PCDHGA3: variants seen among roughly 807,000 people sequenced by gnomAD.
The protein encoded by PCDHGA3 is protocadherin gamma subfamily A, 3, also known as protocadherin gamma-A3.
Under a neutral mutation model 58.5 loss-of-function variants are expected in PCDHGA3, and 40 were observed. The ratio of observed to expected loss-of-function variants is 0.68; its 90% CI spans 0.53 to 0.89. The LOEUF is 0.89. Ranked by LOEUF, PCDHGA3 falls within the 40% of genes least tolerant of loss-of-function variation. The probability of loss-of-function intolerance (pLI) is 0.00; values close to 1 mark genes in which losing one functional copy is unlikely to be tolerated. For missense variants in PCDHGA3, 1,223 were observed against 1,195.9 expected (o/e 1.02, Z -0.33); for synonymous variants, 530 against 525.7 (o/e 1.01, Z -0.11).
At position 141,486,392 on chromosome 5, in the gene PCDHGA3, C is replaced by T; in HGVS notation, c.2425-8415C>T. ...GTCTGCCTTCAGGAACCAGTTCTCC[C>T]TGGTGACTGCTGGACCCTTGGATCG... On this transcript the variant is annotated intron_variant, in intron 1 of 3. Coordinates refer to ENST00000253812, the MANE Select transcript of PCDHGA3 (RefSeq NM_018916.4). The surrounding 1 kb of genome is among the most constrained non-coding windows in gnomAD (Gnocchi z 5.0). 1 of 1,614,170 alleles carries T rather than the reference C, an allele frequency of 6.2e-7. No individual in the cohort carries two copies. Among genetic ancestry groups the T allele is most frequent in the Non-Finnish European group, 8.5e-7 (1 of 1,180,014 alleles).
In PCDHGA3 at chr5:141,476,575, C is replaced by A; in HGVS notation, c.2425-18232C>A. 6 of 1,614,232 alleles carry A rather than the reference C, an allele frequency of 3.7e-6. No homozygotes were observed. The highest frequency in any genetic ancestry group is 5.1e-6 in the Non-Finnish European group (6 of 1,180,042). The stretch of plus-strand genomic sequence containing the variant: ...GCGAGGCCGTGGCTCCGGGGACGCG[C>A]TTTCCGCTCGAGAGCGCGCACGATC... On this transcript the variant is annotated intron_variant, in intron 1 of 3. Transcript: ENST00000253812. This position sits in a 1 kb window ranked among gnomAD's most constrained non-coding sequence, Gnocchi z 7.6.
At chr5:141,364,768 G>A (rs1442604724) in intron 1 of PCDHGA3, 3 of 1,613,956 alleles carry the variant, frequency 1.9e-6, no homozygotes, top group Non-Finnish European at 8.5e-7. Flanking sequence ...ATGAAAATGC[G>A]GCTGCAGGGA....
At chr5:141,390,612 T>C (rs2092191763) in intron 1 of PCDHGA3, 1 of 296,168 alleles carries the variant, frequency 3.4e-6, no homozygotes, top group Non-Finnish European at 6.3e-6. Context: ...ATTTTCCTTC[T>C]TGTTGACTAA....
At position 141,511,516 on chromosome 5, in the gene PCDHGA3, T is replaced by A. The variant is rs2099883825; in HGVS notation, c.*343T>A. ...CTTCCAAATCAATCAGGCCCATCCA[T>A]CCCATGCCTCCCTCCTCCCCACCCC... is the stretch of plus-strand genomic sequence containing the variant. On this transcript the variant is annotated 3_prime_UTR_variant, in exon 4 of 4. Transcript: ENST00000253812. 1 of 365,020 alleles carries A rather than the reference T, an allele frequency of 2.7e-6. No individual in the cohort carries two copies. Among genetic ancestry groups the A allele is most frequent in the Admixed American group, 4.0e-5 (1 of 25,162 alleles). The allele number at this position is 365,020 out of a possible 1,614,324, so 22.6% of individuals were successfully genotyped here.
intron 1 of PCDHGA3, chr5:141,362,043 C>T: frequency 6.2e-7 from 1 of 1,610,452 alleles, no homozygotes; most frequent in South Asian, 1.1e-5. Flanking sequence ...GCGACAGGGA[C>T]GCGGCCCGCC....
Position 141,346,307 on chromosome 5 carries a change from C to T in PCDHGA3, c.2274C>T (p.Ser758=), listed in dbSNP as rs956527393. ...AFLQTYSHEV[S]LTADSRKSHL... The stretch of plus-strand genomic sequence containing the variant: ...TGCAGACCTATTCCCACGAGGTCTC[C>T]CTCACTGCGGACTCGCGGAAGAGCC... Residue 758 remains serine, a synonymous_variant, in exon 1 of 4, where the codon TCC becomes TCT. Transcript: ENST00000253812. 6.2e-7 allele frequency: 1 copy of T among 1,614,222 alleles called. No homozygotes were observed. Among genetic ancestry groups the T allele is most frequent in the African/African-American group, 1.3e-5 (1 of 75,072 alleles).
chr5:141,397,995 C>T, intron 1 of PCDHGA3: 1 of 1,367,706 alleles, frequency 7.3e-7, no homozygotes, highest in Non-Finnish European at 9.8e-7. Flanking sequence ...CCGCTTCCTC[C>T]TCGGAAAAAG....
In PCDHGA3 at chr5:141,432,887, T is replaced by G. The variant is rs146168033; in HGVS notation, c.2425-61920T>G. 2.8e-4 allele frequency: 451 copies of G among 1,614,156 alleles called. No individual in the cohort carries two copies. In the African/African-American group the frequency reaches 4.6e-3, roughly 17 times the overall value. ...CTGCGTCTTCCTGGCCTTCGTCATC[T>G]TGCTGCTGGCGCTCAGGCTGCGGCG... is the stretch of plus-strand genomic sequence containing the variant. On this transcript the variant is annotated intron_variant, in intron 1 of 3. Transcript: ENST00000253812. The surrounding 1 kb of genome is among the most constrained non-coding windows in gnomAD (Gnocchi z 6.0).
chr5:141,385,111 T>C (rs373196114), intron 1 of PCDHGA3: 1 of 1,614,188 alleles, frequency 6.2e-7, no homozygotes, highest in South Asian at 1.1e-5. Context: ...CGTGCCCACC[T>C]CGCACTTTGT....
In PCDHGA3 at chr5:141,375,407, G is replaced by A. The variant is rs192651675; in HGVS notation, c.2424+28950G>A. 5.6e-6 allele frequency: 9 copies of A among 1,613,974 alleles called. No individual in the cohort carries two copies. The Admixed American group carries it at 1.5e-4, about 27-fold the overall frequency. ...TACAGAAACAATCATCTCTCTAAAT[G>A]TGGCAGACACCAACGACAACCCGCC... On this transcript the variant is annotated intron_variant, in intron 1 of 3. Transcript: ENST00000253812.
In PCDHGA3 at chr5:141,345,015, C is replaced by G. The variant is rs756820605; in HGVS notation, c.982C>G (p.Leu328Val). 5 of 1,613,850 alleles carry G rather than the reference C, an allele frequency of 3.1e-6. No homozygotes were observed. Among genetic ancestry groups the G allele is most frequent in the Non-Finnish European group, 4.2e-6 (5 of 1,179,886 alleles). The change falls in exon 1 of 4, where the codon CTT becomes GTT. Residue 328 changes from leucine (L) to valine (V), a missense_variant. Around this residue, in one of 3 missense-constraint regions of PCDHGA3, gnomAD observed 791 missense variants for 708.5 expected, o/e 1.12. Transcript: ENST00000253812. ...KIEAQDGPGL[L>V]SRAKILVTVL... ...TGAAGCACAGGATGGACCAGGTCTT[C>G]TTTCAAGAGCCAAGATTCTAGTCAC...
intron 1 of PCDHGA3, chr5:141,350,299 G>C (rs1758441627): frequency 6.6e-7 from 1 of 1,519,662 alleles, no homozygotes; most frequent in African/African-American, 1.4e-5. Flanking sequence ...TGAAAAGTCA[G>C]GTACTGTTTC....
Position 141,414,170 on chromosome 5 carries a change from T to C in PCDHGA3, c.2424+67713T>C, listed in dbSNP as rs1411353386. The C allele has an allele frequency of 6.2e-7, 1 of 1,606,208 alleles. No homozygotes were observed. The highest frequency in any genetic ancestry group is 1.7e-5 in the Admixed American group (1 of 58,580). The stretch of plus-strand genomic sequence containing the variant: ...CAAGCAGAAGATGGAGGAGCATATC[T>C]TGCAACTGCAAAAGTGTTGATTACA... On this transcript the variant is annotated intron_variant, in intron 1 of 3. Coordinates refer to ENST00000253812, the MANE Select transcript of PCDHGA3 (RefSeq NM_018916.4).
At chr5:141,348,129 AT>A (rs1758069278) in intron 1 of PCDHGA3, among the ~76,000 whole-genome samples, 1 of 152,266 alleles carries the variant, frequency 6.6e-6, no homozygotes, top group South Asian at 2.1e-4. Flanking sequence ...ATTTTCACTC[AT>A]GAAATCATAT....
chr5:141,352,284 C>G lies in PCDHGA3; in HGVS notation c.2424+5827C>G, dbSNP rs373524011. ...GTATTGCCAGACCTCAGCGACCGCC[C>G]TGAGCCCTCTGACCCCCAGACGGAA... On this transcript the variant is annotated intron_variant, in intron 1 of 3. Coordinates refer to ENST00000253812, the MANE Select transcript of PCDHGA3 (RefSeq NM_018916.4). 4.2e-5 allele frequency: 67 copies of G among 1,613,932 alleles called. No individual in the cohort carries two copies. The East Asian group carries it at 6.9e-4, about 17-fold the overall frequency.
At chr5:141,430,021 T>C (rs2097257368) in intron 1 of PCDHGA3, among the ~76,000 whole-genome samples, 1 of 152,226 alleles carries the variant, frequency 6.6e-6, no homozygotes, top group Admixed American at 6.5e-5. Context: ...TGGGTTCTTG[T>C]TAAGTGTGAT....
Position 141,489,601 on chromosome 5 carries a change from G to A in PCDHGA3, c.2425-5206G>A. On this transcript the variant is annotated intron_variant, in intron 1 of 3. Transcript: ENST00000253812. This position sits in a 1 kb window ranked among gnomAD's most constrained non-coding sequence, Gnocchi z 4.5. ...CCCCCTGGAGCTAATCCGTGTAGAG[G>A]TAGAGATCCTGGATCTCAATGACAA... 2 of 1,614,042 alleles carry A rather than the reference G, an allele frequency of 1.2e-6. No individual in the cohort carries two copies. Among genetic ancestry groups the A allele is most frequent in the East Asian group, 4.5e-5 (2 of 44,882 alleles).
chr5:141,471,444 A>T (rs1366430114), intron 1 of PCDHGA3: 1 of 152,150 alleles, frequency 6.6e-6, no homozygotes, highest in Non-Finnish European at 1.5e-5. Flanking sequence ...AATCTCATGT[A>T]CCTTTTGAAA....
intron 1 of PCDHGA3, chr5:141,374,557 T>C (rs1561563298): frequency 1.9e-6 from 3 of 1,613,702 alleles, no homozygotes. Flanking sequence ...TGGAGGTCTA[T>C]GACCCTGATG....
Sources: allele counts gnomAD v4.1 joint callset (sites outside exome capture counted in the v4.1 genomes callset), GRCh38; gene constraint gnomAD v4.1.1; regional missense constraint gnomAD v4.1.1; non-coding constraint Gnocchi (gnomAD v3.1); transcripts MANE v1.5; gene names NCBI Gene and HGNC (gene_info 2026-07-23, HGNC 2026-07-21).